Variants in SNX14 observed in about 807,000 individuals in gnomAD.
SNX14 encodes sorting nexin-14.
Under a neutral mutation model 133.8 loss-of-function variants are expected in SNX14, and 93 were observed. That is an observed-to-expected ratio of 0.70 (90% CI 0.59 to 0.83). The LOEUF (loss-of-function observed/expected upper bound fraction) is 0.83. SNX14 is among the 40% of genes least tolerant of loss of function. SNX14 has a pLI of 0.00. For synonymous variants in SNX14, 368 were observed against 365.6 expected, an observed-to-expected ratio of 1.01 and a Z score of -0.07; for missense variants, 945 against 1,094.9, an observed-to-expected ratio of 0.86 and a Z score of 1.93.
chr6:85,593,475 C>T (rs1219103155), intron 1 of SNX14, 104 bp downstream of exon 1: 1 of 1,453,700 alleles, frequency 6.9e-7, no homozygotes. Flanking sequence ...CCCACTGGTC[C>T]CCAGTCCCGC....
intron 28 of SNX14, among the ~76,000 whole-genome samples, chr6:85,506,768 A>C (rs1770864114): frequency 6.6e-6 from 1 of 152,260 alleles, no homozygotes; most frequent in South Asian, 2.1e-4. Context: ...TAATGACTTA[A>C]ACCTTTGCTC....
At chr6:85,512,449 C>T (rs1384137231) in intron 26 of SNX14, among the ~76,000 whole-genome samples, 1 of 151,960 alleles carries the variant, frequency 6.6e-6, no homozygotes, top group Non-Finnish European at 1.5e-5. Flanking sequence ...AGGGGAAACC[C>T]CATCTCCACT....
intron 21 of SNX14, among the ~76,000 whole-genome samples, chr6:85,525,524 C>T (rs1459034585): frequency 1.3e-5 from 2 of 151,986 alleles, no homozygotes; most frequent in African/African-American, 4.8e-5. Flanking sequence ...AATTCATGTA[C>T]AGAAGTACCA....
intron 27 of SNX14, 129 bp downstream of exon 27, chr6:85,507,839 G>C: frequency 2.0e-6 from 1 of 506,262 alleles, no homozygotes; most frequent in South Asian, 8.9e-5. Flanking sequence ...TTTTCTATCT[G>C]AATGTTTAAA....
At chr6:85,554,066 T>C (rs1049359725) in intron 7 of SNX14, among the ~76,000 whole-genome samples, 4 of 152,128 alleles carry the variant, frequency 2.6e-5, no homozygotes, top group African/African-American at 9.7e-5. Flanking sequence ...ATACAGAGCA[T>C]GGATTAATCT....
intron 21 of SNX14, among the ~76,000 whole-genome samples, chr6:85,521,108 T>G (rs938390879): frequency 1.3e-5 from 2 of 152,246 alleles, no homozygotes; most frequent in Non-Finnish European, 1.5e-5. Context: ...ATAATCAGAC[T>G]TTTAAAAACT....
At chr6:85,539,553 T>C (rs1460044777) in intron 15 of SNX14, among the ~76,000 whole-genome samples, 9 of 152,198 alleles carry the variant, frequency 5.9e-5, no homozygotes, top group Non-Finnish European at 1.5e-5. Flanking sequence ...ATAAAATATA[T>C]GAATACATAT....
At chr6:85,552,963 G>A (rs1184870001) in intron 7 of SNX14, among the ~76,000 whole-genome samples, 1 of 152,110 alleles carries the variant, frequency 6.6e-6, no homozygotes, top group Non-Finnish European at 1.5e-5. Context: ...AGATATCCCC[G>A]CTTTCTGAGT....
In SNX14 at chr6:85,514,553, A is replaced by G; in HGVS notation, c.2345T>C (p.Met782Thr). The change falls in exon 24 of 29, where the codon ATG becomes ACG. Residue 782 changes from methionine (M) to threonine (T), a missense_variant. By Grantham distance (81) the Met-to-Thr change is moderately conservative (BLOSUM62 -1). Coordinates refer to ENST00000314673, the MANE Select transcript of SNX14 (RefSeq NM_153816.6). ...TERKQNQNYF[M>T]EVMTVEGVYD... Reference sequence around the variant, plus strand: ...GACTCCTTCTACAGTCATCACCTCCATAAAATAATTCTGATTTTGCTTTCT... The same window carrying G: ...GACTCCTTCTACAGTCATCACCTCCGTAAAATAATTCTGATTTTGCTTTCT... 5.0e-6 allele frequency: 8 copies of G among 1,613,506 alleles called. No individual in the cohort carries two copies. The highest frequency in any genetic ancestry group is 6.8e-6 in the Non-Finnish European group (8 of 1,179,742).
intron 9 of SNX14, 73 bp downstream of exon 9, chr6:85,548,227 TA>T: frequency 1.8e-6 from 2 of 1,102,980 alleles, no homozygotes; most frequent in East Asian, 2.6e-5. Flanking sequence ...ACTATATACA[TA>T]AAAATGTTTA....
intron 7 of SNX14, among the ~76,000 whole-genome samples, chr6:85,553,446 A>C (rs1040692243): frequency 6.6e-6 from 1 of 152,088 alleles, no homozygotes; most frequent in African/African-American, 2.4e-5. Context: ...CTGCTTCTTT[A>C]TTGATAAGAT....
At chr6:85,552,129 C>T (rs1788037840) in intron 7 of SNX14, among the ~76,000 whole-genome samples, 2 of 148,898 alleles carry the variant, frequency 1.3e-5, no homozygotes, top group South Asian at 2.2e-4. Flanking sequence ...CTCCGCCTCC[C>T]GGGTTCACGC....
Position 85,549,891 on chromosome 6 carries a change from A to C in SNX14, c.635-12T>G. ...CTCTGTATTTTTTACTATAGAGATT[A>C]AAGATAAATATTGAAACAAGTTAAG... On this transcript the variant is annotated splice_polypyrimidine_tract_variant and intron_variant, in intron 7 of 28. Coordinates refer to ENST00000314673, the MANE Select transcript of SNX14 (RefSeq NM_153816.6). 6.3e-6 allele frequency: 10 copies of C among 1,584,004 alleles called. No individual in the cohort carries two copies. The highest frequency in any genetic ancestry group is 8.6e-6 in the Non-Finnish European group (10 of 1,165,734).
chr6:85,578,668 G>A (rs1798068805), intron 1 of SNX14, among the ~76,000 whole-genome samples: 1 of 152,204 alleles, frequency 6.6e-6, no homozygotes, highest in Admixed American at 6.5e-5. Flanking sequence ...CAAGCTATCT[G>A]TCTAAGCTAG....
chr6:85,547,434 C>A, intron 10 of SNX14, 37 bp from the exon 11 acceptor site: 1 of 1,607,688 alleles, frequency 6.2e-7, no homozygotes, highest in South Asian at 1.1e-5. Flanking sequence ...CAGTAAAATT[C>A]CCACTTGATT....
chr6:85,520,390 C>T (rs1308513403), intron 21 of SNX14, among the ~76,000 whole-genome samples: 4 of 148,246 alleles, frequency 2.7e-5, no homozygotes, highest in Non-Finnish European at 5.9e-5. Flanking sequence ...TGGAGTTTTG[C>T]TCTGTTGCCC....
At chr6:85,585,425 A>C (rs1800506090) in intron 1 of SNX14, among the ~76,000 whole-genome samples, 2 of 152,122 alleles carry the variant, frequency 1.3e-5, no homozygotes, top group South Asian at 4.1e-4. Context: ...AACACTGAAA[A>C]CCAATAAGCT....
intron 18 of SNX14, 65 bp downstream of exon 18, chr6:85,533,534 A>G: frequency 6.7e-7 from 1 of 1,483,172 alleles, no homozygotes; most frequent in Non-Finnish European, 9.2e-7. Flanking sequence ...AATGTTTATC[A>G]TACCTGATAA....
rs546991790 is a variant in SNX14 at position 85,533,609 on chromosome 6, A to G, written c.1800T>C (p.Asp600=). The G allele has an allele frequency of 5.1e-5, 83 of 1,612,938 alleles. 1 individual carries two copies. The South Asian group carries it at 8.9e-4, about 17-fold the overall frequency. Residue 600 remains aspartate, a synonymous_variant, in exon 18 of 29, where the codon GAT becomes GAC. Transcript: ENST00000314673. ...PVFCIDVERN[D]RRAVGHEPEH... ...CAGAAAGCTTCCTACCTGCTCTTCTATCATTTCTTTCAACATCAATACAAA... is the reference window on the plus strand; with the variant it reads ...CAGAAAGCTTCCTACCTGCTCTTCTGTCATTTCTTTCAACATCAATACAAA...
Sources: gnomAD v4.1 joint callset for allele counts (sites outside exome capture counted in the v4.1 genomes callset) on GRCh38, gnomAD v4.1.1 for gene constraint, MANE v1.5 for transcripts, NCBI Gene and HGNC (gene_info 2026-07-23, HGNC 2026-07-21) for gene names.